The following SHANK2 variants were observed in gnomAD, a reference collection of about 807,000 sequenced individuals.
SHANK2 encodes the protein SH3 and multiple ankyrin repeat domains protein 2.
In SHANK2, 43 loss-of-function variants were observed where a neutral mutation model predicts 133.7. The ratio of observed to expected loss-of-function variants is 0.32; its 90% CI spans 0.25 to 0.41. The LOEUF is 0.41. Among genes scored for constraint, SHANK2 ranks in the 10% least tolerant of loss-of-function variants. The probability of loss-of-function intolerance (pLI) is 1.00; values close to 1 mark genes in which losing one functional copy is unlikely to be tolerated. For synonymous variants in SHANK2, 1,017 were observed against 952.8 expected, an observed-to-expected ratio of 1.07 and a Z score of -1.24; for missense variants, 1,994 against 2,235.8, an observed-to-expected ratio of 0.89 and a Z score of 2.18.
At position 71,084,179 on chromosome 11, in the gene SHANK2, G is replaced by C. The variant is rs1951345837; in HGVS notation, c.912+8243C>G. Among the ~76,000 whole-genome samples, 4 of 152,266 alleles carry C rather than the reference G, an allele frequency of 2.6e-5. No homozygotes were observed. In the South Asian group the frequency reaches 8.3e-4, roughly 32 times the overall value. On this transcript the variant is annotated intron_variant, in intron 8 of 25. Coordinates refer to ENST00000601538, the MANE Select transcript of SHANK2 (RefSeq NM_012309.5). ...GTAGAGATGGGGTTTCACCGTGTTA[G>C]CCAGGATGGTCTCGATCTCCTGACC... is the stretch of plus-strand genomic sequence containing the variant.
chr11:70,953,105 T>C (rs1555087025), intron 10 of SHANK2, among the ~76,000 whole-genome samples: 1 of 152,042 alleles, frequency 6.6e-6, no homozygotes, highest in Non-Finnish European at 1.5e-5. Context: ...GCTTACCCAG[T>C]GCTACACTTT....
intron 17 of SHANK2, among the ~76,000 whole-genome samples, chr11:70,635,962 C>A (rs569851537): frequency 5.9e-5 from 9 of 152,376 alleles, no homozygotes; most frequent in African/African-American, 2.2e-4. Flanking sequence ...GCCACATCCA[C>A]CCCTCCCGAA....
At chr11:71,066,579 C>A (rs1243652923) in intron 9 of SHANK2, among the ~76,000 whole-genome samples, 1 of 152,164 alleles carries the variant, frequency 6.6e-6, no homozygotes, top group African/African-American at 2.4e-5. Context: ...AAGCTCCAGG[C>A]CCCGTCAAGC....
At chr11:70,725,843 G>A (rs1178174763) in intron 14 of SHANK2, among the ~76,000 whole-genome samples, 3 of 152,194 alleles carry the variant, frequency 2.0e-5, no homozygotes, top group Admixed American at 2.0e-4. Flanking sequence ...AGAAGCATGG[G>A]GGGAAGAACA....
At chr11:70,632,327 G>T (rs1298780643) in intron 17 of SHANK2, among the ~76,000 whole-genome samples, 1 of 151,640 alleles carries the variant, frequency 6.6e-6, no homozygotes. Context: ...GGGTTTTACC[G>T]TGTTAGCCAG....
intron 17 of SHANK2, among the ~76,000 whole-genome samples, chr11:70,632,190 C>T (rs2061000987): frequency 1.3e-5 from 2 of 152,110 alleles, no homozygotes; most frequent in African/African-American, 4.8e-5. Context: ...GGCGCGATCT[C>T]GGCTCACTGC....
At chr11:71,073,979 G>C (rs1179444619) in intron 9 of SHANK2, among the ~76,000 whole-genome samples, 2 of 152,144 alleles carry the variant, frequency 1.3e-5, no homozygotes, top group African/African-American at 4.8e-5. Context: ...AAGAGAGCCC[G>C]GCTCCTCACG....
chr11:70,903,595 G>C (rs3019826), intron 10 of SHANK2, among the ~76,000 whole-genome samples: 40,690 of 152,012 alleles, frequency 0.27, 6,866 homozygotes, highest in African/African-American at 0.48. Flanking sequence ...CATTGGGAAA[G>C]ACAGTAGAGG....
At chr11:70,910,902 G>A in intron 10 of SHANK2, 1 of 445,704 alleles carries the variant, frequency 2.2e-6, no homozygotes, top group Non-Finnish European at 4.5e-6. Context: ...GGTGGTGCGT[G>A]TGTGTGTGTG....
chr11:70,759,633 C>T (rs1359892190), intron 14 of SHANK2, among the ~76,000 whole-genome samples: 4 of 152,254 alleles, frequency 2.6e-5, no homozygotes, highest in Admixed American at 2.6e-4. Flanking sequence ...AGAATGGGCT[C>T]CTGGTGGCAA....
At position 70,807,750 on chromosome 11, in the gene SHANK2, A is replaced by G. The variant is rs1333741119; in HGVS notation, c.1494-579T>C. ...GAGGCTGAGGCAGGAGAATTGCTTA[A>G]ACCTGGGAGGCGGAGGTTGCGGTGA... On this transcript the variant is annotated intron_variant, in intron 12 of 25. Transcript: ENST00000601538. The surrounding 1 kb of genome is among the most constrained non-coding windows in gnomAD (Gnocchi z 4.8). Among the ~76,000 whole-genome samples, 1 of 152,248 alleles carries G rather than the reference A, an allele frequency of 6.6e-6. No homozygotes were observed. The highest frequency in any genetic ancestry group is 2.1e-4 in the South Asian group (1 of 4,816).
At chr11:70,945,146 T>C (rs782683302) in intron 10 of SHANK2, among the ~76,000 whole-genome samples, 1 of 152,070 alleles carries the variant, frequency 6.6e-6, no homozygotes, top group Non-Finnish European at 1.5e-5. Context: ...ATGCAGGGGA[T>C]GGAAATTGTG....
intron 3 of SHANK2, among the ~76,000 whole-genome samples, chr11:71,126,633 C>T (rs1361120285): frequency 2.0e-5 from 3 of 152,032 alleles, no homozygotes; most frequent in African/African-American, 7.2e-5. Context: ...TTTAGCATTC[C>T]AGATGCCATT....
intron 10 of SHANK2, among the ~76,000 whole-genome samples, chr11:70,927,119 C>T (rs1055599795): frequency 6.6e-6 from 1 of 152,076 alleles, no homozygotes; most frequent in Non-Finnish European, 1.5e-5. Flanking sequence ...ATGTTAATTT[C>T]TTTGTTTTAA....
chr11:70,625,701 C>T (rs959057934), intron 17 of SHANK2, among the ~76,000 whole-genome samples: 2 of 151,600 alleles, frequency 1.3e-5, no homozygotes, highest in Non-Finnish European at 2.9e-5. Flanking sequence ...CCTGCACTCT[C>T]CTCTTTTACT....
At chr11:71,120,165 T>G (rs1952057192) in intron 3 of SHANK2, among the ~76,000 whole-genome samples, 1 of 152,142 alleles carries the variant, frequency 6.6e-6, no homozygotes, top group African/African-American at 2.4e-5. Context: ...AGGACTGAAA[T>G]AACAACAACT....
intron 10 of SHANK2, among the ~76,000 whole-genome samples, chr11:70,923,755 G>A (rs1950386184): frequency 6.6e-6 from 1 of 151,920 alleles, no homozygotes; most frequent in African/African-American, 2.4e-5. Flanking sequence ...GTCTCACTAT[G>A]TTGCCCTGGC....
At chr11:70,589,055 G>C (rs982773651) in intron 17 of SHANK2, among the ~76,000 whole-genome samples, 1 of 152,222 alleles carries the variant, frequency 6.6e-6, no homozygotes. Flanking sequence ...CTGACCTCAT[G>C]ACCCTTCCAC....
At chr11:70,874,279 A>AATCTAATCT (rs1290729674) in intron 11 of SHANK2, among the ~76,000 whole-genome samples, 19 of 151,960 alleles carry the variant, frequency 1.3e-4, no homozygotes, top group African/African-American at 4.4e-4. Flanking sequence ...AATCTAATCT[A>AATCTAATCT]ATCTAATCTA....
Sources: gnomAD v4.1 joint callset for allele counts (sites outside exome capture counted in the v4.1 genomes callset) on GRCh38, gnomAD v4.1.1 for gene constraint, Gnocchi (gnomAD v3.1) non-coding constraint, MANE v1.5 for transcripts, NCBI Gene and HGNC (gene_info 2026-07-23, HGNC 2026-07-21) for gene names.